GPR139: variants seen among roughly 807,000 people sequenced by gnomAD.
GPR139 encodes the protein G protein-coupled receptor 139.
Under a neutral mutation model 25.8 loss-of-function variants are expected in GPR139, and 12 were observed. That is an observed-to-expected ratio of 0.47 (90% CI 0.30 to 0.75). The LOEUF is 0.75. GPR139 is among the 30% of genes least tolerant of loss of function. GPR139 has a pLI of 0.07. For missense variants in GPR139, 380 were observed against 450.2 expected (o/e 0.84, Z 1.41); for synonymous variants, 184 against 179.9 (o/e 1.02, Z -0.18).
chr16:20,064,592 A>C (rs770711542), intron 1 of GPR139, among the ~76,000 whole-genome samples: 2 of 152,210 alleles, frequency 1.3e-5, no homozygotes, highest in South Asian at 4.1e-4. Flanking sequence ...AGTGTTTTGA[A>C]GCATTCTTAG....
Position 20,033,981 on chromosome 16 carries a change from G to GT in GPR139, c.128-1313dup, listed in dbSNP as rs138930425. 1.9e-3 allele frequency among the ~76,000 whole-genome samples: 290 copies of GT among 148,918 alleles called. 1 individual carries two copies. The highest frequency in any genetic ancestry group is 5.4e-3 in the East Asian group (27 of 5,004). ...AATACATCTATATAATTTCTGATCA[G>GT]TTTTTTTTTTAAAAAAAGTCTCCCT... On this transcript the variant is annotated intron_variant, in intron 1 of 1. Coordinates refer to ENST00000570682, the MANE Select transcript of GPR139 (RefSeq NM_001002911.4).
intron 1 of GPR139, among the ~76,000 whole-genome samples, chr16:20,065,877 C>CA (rs11307746): frequency 0.011 from 1,265 of 118,738 alleles, 16 homozygotes; most frequent in Middle Eastern, 0.032. Flanking sequence ...GAGACTATCT[C>CA]AAAAAAAAAA....
chr16:20,061,508 G>T (rs1024923251), intron 1 of GPR139, among the ~76,000 whole-genome samples: 5 of 152,218 alleles, frequency 3.3e-5, no homozygotes, highest in Non-Finnish European at 5.9e-5. Flanking sequence ...CAGGTGCATT[G>T]TCTGATTGTG....
intron 1 of GPR139, among the ~76,000 whole-genome samples, chr16:20,057,195 A>G (rs1340999541): frequency 6.6e-6 from 1 of 152,204 alleles, no homozygotes; most frequent in Non-Finnish European, 1.5e-5. Context: ...GGCCGGTCGC[A>G]TCTCAGCTCT....
At chr16:20,066,072 G>A (rs979081511) in intron 1 of GPR139, among the ~76,000 whole-genome samples, 3 of 152,212 alleles carry the variant, frequency 2.0e-5, no homozygotes, top group Non-Finnish European at 4.4e-5. Context: ...CAGAAAAACC[G>A]CAGAGAAGCA....
At position 20,071,964 on chromosome 16, in the gene GPR139, T is replaced by C. The variant is rs1468937178; in HGVS notation, c.127+1526A>G. ...ATGGGAATGCTGAGGGGGAAAGAGG[T>C]TCTTACACTTTTCCAGTTCAGCAAG... On this transcript the variant is annotated intron_variant, in intron 1 of 1. Transcript: ENST00000570682. Among the ~76,000 whole-genome samples, 6 of 151,800 alleles carry C rather than the reference T, an allele frequency of 4.0e-5. No homozygotes were observed. The East Asian group carries it at 9.7e-4, about 24-fold the overall frequency.
chr16:20,040,758 G>A (rs2057326799), intron 1 of GPR139, among the ~76,000 whole-genome samples: 1 of 152,106 alleles, frequency 6.6e-6, no homozygotes, highest in South Asian at 2.1e-4. Context: ...TCACGTTGGA[G>A]GCTACAAAAG....
In GPR139 at chr16:20,032,313, G is replaced by A; in HGVS notation, c.484C>T (p.Pro162Ser). The part of the protein sequence containing the change: ...VYITCFLTSI[P>S]YYWWPNIWTE... Reference sequence around the variant, plus strand: ...CAGATGTTGGGCCACCAGTAATAGGGGATGCTGGTCAGGAAGCAGGTGATG... The same window carrying A: ...CAGATGTTGGGCCACCAGTAATAGGAGATGCTGGTCAGGAAGCAGGTGATG... The change falls in exon 2 of 2, where the codon CCC becomes TCC. Residue 162 changes from proline (P) to serine (S), a missense_variant. Pro to Ser is a moderately conservative substitution (Grantham distance 74). Transcript: ENST00000570682. The A allele has an allele frequency of 6.2e-7, 1 of 1,614,198 alleles. No individual in the cohort carries two copies. The highest frequency in any genetic ancestry group is 1.3e-5 in the African/African-American group (1 of 75,044).
intron 1 of GPR139, among the ~76,000 whole-genome samples, chr16:20,057,290 A>G (rs2057392672): frequency 6.6e-6 from 1 of 152,192 alleles, no homozygotes; most frequent in Non-Finnish European, 1.5e-5. Context: ...AGCATGATGG[A>G]AGTATCAATC....
intron 1 of GPR139, among the ~76,000 whole-genome samples, chr16:20,037,318 G>T (rs770730300): frequency 5.3e-5 from 8 of 152,022 alleles, no homozygotes; most frequent in Non-Finnish European, 1.2e-4. Context: ...CAGGCGTGGT[G>T]GTGGGTGCCT....
In GPR139 at chr16:20,073,013, C is replaced by T. The variant is rs1212580339; in HGVS notation, c.127+477G>A. On this transcript the variant is annotated intron_variant, in intron 1 of 1. Coordinates refer to ENST00000570682, the MANE Select transcript of GPR139 (RefSeq NM_001002911.4). The surrounding 1 kb of genome is among the most constrained non-coding windows in gnomAD (Gnocchi z 4.7). ...TCAATGTCAGGGTCTCCAGCTTCAT[C>T]TCGTGTCAGGCGGGGACACGCAGAG... is the stretch of plus-strand genomic sequence containing the variant. Among the ~76,000 whole-genome samples, 1 of 152,200 alleles carries T rather than the reference C, an allele frequency of 6.6e-6. No individual in the cohort carries two copies. Among genetic ancestry groups the T allele is most frequent in the Admixed American group, 6.5e-5 (1 of 15,290 alleles).
Position 20,030,641 on chromosome 16 carries a change from G to C in GPR139, c.*1094C>G, listed in dbSNP as rs1437152217. ...GCGTCAAAGGGCAGACGAGGCGTCA[G>C]CATGGGCACCTTTTGTGTCTGCGTT... On this transcript the variant is annotated 3_prime_UTR_variant, in exon 2 of 2. Coordinates refer to ENST00000570682, the MANE Select transcript of GPR139 (RefSeq NM_001002911.4). Among the ~76,000 whole-genome samples the C allele has an allele frequency of 1.3e-5, 2 of 152,254 alleles. No homozygotes were observed. The highest frequency in any genetic ancestry group is 2.9e-5 in the Non-Finnish European group (2 of 68,046).
In GPR139 at chr16:20,051,563, CAATTTTCTGTGGTTGGAGA is replaced by C. The variant is rs1442293767; in HGVS notation, c.128-18913_128-18895del. On this transcript the variant is annotated intron_variant, in intron 1 of 1. Coordinates refer to ENST00000570682, the MANE Select transcript of GPR139 (RefSeq NM_001002911.4). ...CTAATTACCCAGGGGCCTCGGGAAG[CAATTTTCTGTGGTTGGAGA>C]AATTGTTTTTTGTACCTCCAGCCCA... Among the ~76,000 whole-genome samples, 12 of 152,320 alleles carry C rather than the reference CAATTTTCTGTGGTTGGAGA, an allele frequency of 7.9e-5. No homozygotes were observed. In the East Asian group the frequency reaches 1.4e-3, roughly 17 times the overall value.
chr16:20,065,282 T>C (rs1453062333), intron 1 of GPR139, among the ~76,000 whole-genome samples: 2 of 152,212 alleles, frequency 1.3e-5, no homozygotes, highest in Admixed American at 1.3e-4. Context: ...GATTTCTAGA[T>C]TTTTTGAACA....
Position 20,029,967 on chromosome 16 carries a change from C to G in GPR139, c.*1768G>C, listed in dbSNP as rs2279022. On this transcript the variant is annotated 3_prime_UTR_variant, in exon 2 of 2. Coordinates refer to ENST00000570682, the MANE Select transcript of GPR139 (RefSeq NM_001002911.4). ...TTTTGAGGATCTTTTGCAAAGGTAA[C>G]TTTGGCTCTGTAAGGTTTTATCTTT... Among the ~76,000 whole-genome samples the G allele has an allele frequency of 6.6e-6, 1 of 152,026 alleles. No homozygotes were observed. The highest frequency in any genetic ancestry group is 2.4e-5 in the African/African-American group (1 of 41,452).
In GPR139 at chr16:20,030,706, G is replaced by A. The variant is rs1047622856; in HGVS notation, c.*1029C>T. Among the ~76,000 whole-genome samples, 13 of 152,236 alleles carry A rather than the reference G, an allele frequency of 8.5e-5. No individual in the cohort carries two copies. Among genetic ancestry groups the A allele is most frequent in the Non-Finnish European group, 1.9e-4 (13 of 68,046 alleles). On this transcript the variant is annotated 3_prime_UTR_variant, in exon 2 of 2. Coordinates refer to ENST00000570682, the MANE Select transcript of GPR139 (RefSeq NM_001002911.4). ...AGCGCCAGCTGGGCTGTGAGACAGAGCTGAGAACACCTCCTCTCATACCCG... is the reference window on the plus strand; with the variant it reads ...AGCGCCAGCTGGGCTGTGAGACAGAACTGAGAACACCTCCTCTCATACCCG...
At position 20,073,807 on chromosome 16, in the gene GPR139, G is replaced by T. The variant is rs2057470148; in HGVS notation, c.-191C>A. On this transcript the variant is annotated 5_prime_UTR_variant, in exon 1 of 2. Coordinates refer to ENST00000570682, the MANE Select transcript of GPR139 (RefSeq NM_001002911.4). This position sits in a 1 kb window ranked among gnomAD's most constrained non-coding sequence, Gnocchi z 4.7. Reference sequence around the variant, plus strand: ...CCGCACCTGCCCGCCTGGAGTCTTGGCTCAGCCCTCCCGCAGGGCGCGGGG... The same window carrying T: ...CCGCACCTGCCCGCCTGGAGTCTTGTCTCAGCCCTCCCGCAGGGCGCGGGG... The T allele has an allele frequency of 2.8e-6, 2 of 703,118 alleles. No homozygotes were observed. The highest frequency in any genetic ancestry group is 4.3e-6 in the Non-Finnish European group (2 of 467,966). 43.6% of individuals were successfully genotyped at this position (703,118 alleles called of 1,614,324 possible).
At chr16:20,045,845 A>G (rs1381934004) in intron 1 of GPR139, among the ~76,000 whole-genome samples, 1 of 152,206 alleles carries the variant, frequency 6.6e-6, no homozygotes, top group Non-Finnish European at 1.5e-5. Context: ...AGCTTCTGCC[A>G]GTCCTGCCCA....
At chr16:20,063,265 C>G (rs1012958292) in intron 1 of GPR139, among the ~76,000 whole-genome samples, 1 of 152,196 alleles carries the variant, frequency 6.6e-6, no homozygotes, top group Non-Finnish European at 1.5e-5. Context: ...AATGACCATA[C>G]AAGAGTCACA....
Sources: allele counts gnomAD v4.1 joint callset (sites outside exome capture counted in the v4.1 genomes callset), GRCh38; gene constraint gnomAD v4.1.1; non-coding constraint Gnocchi (gnomAD v3.1); transcripts MANE v1.5; gene names NCBI Gene and HGNC (gene_info 2026-07-23, HGNC 2026-07-21).